TTC28: variants seen among roughly 807,000 people sequenced by gnomAD.
The protein encoded by TTC28 is tetratricopeptide repeat protein 28.
TTC28 carries 61 observed loss-of-function variants against 198.0 expected under a neutral mutation model. That is an observed-to-expected ratio of 0.31 (90% CI 0.25 to 0.38). TTC28 has a LOEUF of 0.38. TTC28 is among the 10% of genes least tolerant of loss of function. The pLI is 1.00. For synonymous variants in TTC28, 1,171 were observed against 1,297.8 expected (o/e 0.90, Z 2.10); for missense variants, 2,678 against 3,164.0 (o/e 0.85, Z 3.69).
At chr22:28,017,042 C>T (rs140342145) in intron 13 of TTC28, among the ~76,000 whole-genome samples, 2,608 of 152,298 alleles carry the variant, frequency 0.017, 40 homozygotes, top group South Asian at 0.071. Context: ...CTGCTGAGCT[C>T]GAATCCCAGC....
At chr22:28,297,484 G>T (rs918066985) in intron 4 of TTC28, 96 bp downstream of exon 4, 25 of 1,389,144 alleles carry the variant, frequency 1.8e-5, no homozygotes, top group African/African-American at 2.9e-5. Flanking sequence ...GAGCAACCAG[G>T]CGATCACTTT....
At chr22:28,100,148 A>G (rs1392839990) in intron 9 of TTC28, among the ~76,000 whole-genome samples, 1 of 152,202 alleles carries the variant, frequency 6.6e-6, no homozygotes, top group African/African-American at 2.4e-5. Context: ...TTTTAAATTT[A>G]TCCAAACTTC....
chr22:28,263,381 A>G (rs1301257607), intron 5 of TTC28, among the ~76,000 whole-genome samples: 2 of 152,132 alleles, frequency 1.3e-5, no homozygotes, highest in Non-Finnish European at 2.9e-5. Flanking sequence ...CACATATTAT[A>G]ATACATTACA....
At chr22:28,072,402 G>C (rs933947827) in intron 12 of TTC28, among the ~76,000 whole-genome samples, 1 of 152,186 alleles carries the variant, frequency 6.6e-6, no homozygotes, top group Non-Finnish European at 1.5e-5. Flanking sequence ...CTGCTAAGTC[G>C]TCATCTGGCC....
chr22:28,166,311 G>A (rs1382439399), intron 5 of TTC28, among the ~76,000 whole-genome samples: 2 of 152,136 alleles, frequency 1.3e-5, no homozygotes, highest in Non-Finnish European at 2.9e-5. Context: ...ACTCAGCTCT[G>A]CACCAAGCGG....
Position 28,591,028 on chromosome 22 carries a change from CACACACACACACATATATATATATAT to C in TTC28, c.381+38498_381+38523del, listed in dbSNP as rs1360513059. On this transcript the variant is annotated intron_variant, in intron 2 of 22. Coordinates refer to ENST00000397906, the MANE Select transcript of TTC28 (RefSeq NM_001145418.2). Reference sequence around the variant, plus strand: ...CCTCAAACACACACACACACACACACACACACACACACATATATATATATATATATATATATATATATATATATATA... The same window carrying C: ...CCTCAAACACACACACACACACACACATATATATATATATATATATATATA... Among the ~76,000 whole-genome samples the C allele has an allele frequency of 1.7e-3, 128 of 77,348 alleles. 1 individual carries two copies. The highest frequency in any genetic ancestry group is 2.6e-3 in the Non-Finnish European group (107 of 41,104). The allele number at this position is 77,348 out of a possible 152,430, so 50.7% of individuals were successfully genotyped here.
chr22:28,571,636 T>C (rs1376766212), intron 2 of TTC28, among the ~76,000 whole-genome samples: 1 of 152,214 alleles, frequency 6.6e-6, no homozygotes, highest in African/African-American at 2.4e-5. Flanking sequence ...TTTCATATTA[T>C]GTAGTAACGG....
intron 5 of TTC28, among the ~76,000 whole-genome samples, chr22:28,278,476 T>C (rs1414690640): frequency 6.6e-6 from 1 of 152,222 alleles, no homozygotes; most frequent in Non-Finnish European, 1.5e-5. Context: ...ACTTTAGATA[T>C]AACAAATTGA....
intron 2 of TTC28, among the ~76,000 whole-genome samples, chr22:28,492,307 A>G (rs929133132): frequency 2.0e-5 from 3 of 152,206 alleles, no homozygotes; most frequent in Admixed American, 6.5e-5. Context: ...GACAAAAAAA[A>G]GAGAAAGAAA....
intron 2 of TTC28, among the ~76,000 whole-genome samples, chr22:28,523,504 GCT>G (rs1458800047): frequency 6.6e-6 from 1 of 152,166 alleles, no homozygotes; most frequent in Non-Finnish European, 1.5e-5. Context: ...GCTCTAGTCT[GCT>G]CTCTCAGGCT....
At chr22:28,339,484 C>G (rs926812607) in intron 2 of TTC28, among the ~76,000 whole-genome samples, 2 of 152,236 alleles carry the variant, frequency 1.3e-5, no homozygotes, top group Admixed American at 6.5e-5. Context: ...GCCCTGCCCC[C>G]AGAGGTGGAG....
At chr22:28,527,821 T>TG (rs1326347711) in intron 2 of TTC28, among the ~76,000 whole-genome samples, 4 of 152,110 alleles carry the variant, frequency 2.6e-5, no homozygotes, top group African/African-American at 9.6e-5. Context: ...TTTGTAGAGA[T>TG]GGGGTCTCAC....
At chr22:28,275,672 A>G (rs1932373411) in intron 5 of TTC28, among the ~76,000 whole-genome samples, 1 of 152,130 alleles carries the variant, frequency 6.6e-6, no homozygotes, top group Non-Finnish European at 1.5e-5. Context: ...AAAGGTATTC[A>G]GCAATAGAGT....
At chr22:28,129,268 T>C (rs1304582536) in intron 6 of TTC28, among the ~76,000 whole-genome samples, 2 of 152,154 alleles carry the variant, frequency 1.3e-5, no homozygotes, top group African/African-American at 4.8e-5. Flanking sequence ...AACCTTGGGG[T>C]AGACACTGGG....
intron 2 of TTC28, among the ~76,000 whole-genome samples, chr22:28,626,568 C>T (rs962086868): frequency 6.6e-6 from 1 of 151,920 alleles, no homozygotes; most frequent in Non-Finnish European, 1.5e-5. Context: ...TCTTCTTTTA[C>T]CTAATGAGTA....
At chr22:28,524,477 AAT>A (rs2048970990) in intron 2 of TTC28, among the ~76,000 whole-genome samples, 2 of 150,906 alleles carry the variant, frequency 1.3e-5, no homozygotes, top group African/African-American at 4.9e-5. Flanking sequence ...AAAAAAAAAA[AAT>A]ATTCAACGGT....
intron 12 of TTC28, among the ~76,000 whole-genome samples, chr22:28,032,620 C>A (rs749186102): frequency 7.2e-5 from 11 of 152,106 alleles, no homozygotes; most frequent in Non-Finnish European, 1.3e-4. Flanking sequence ...CTTATTATCT[C>A]TACCTTATAT....
At chr22:28,291,465 C>T (rs1047424771) in intron 5 of TTC28, among the ~76,000 whole-genome samples, 2 of 151,996 alleles carry the variant, frequency 1.3e-5, no homozygotes, top group African/African-American at 2.4e-5. Flanking sequence ...AACAGTCAAC[C>T]CAAGTAGTGA....
At chr22:28,509,226 C>T (rs1033790121) in intron 2 of TTC28, among the ~76,000 whole-genome samples, 15 of 150,700 alleles carry the variant, frequency 1.0e-4, no homozygotes, top group African/African-American at 3.6e-4. Flanking sequence ...TACCCAGAAA[C>T]AACAGAATAT....
Sources: gnomAD v4.1 joint callset for allele counts (sites outside exome capture counted in the v4.1 genomes callset) on GRCh38, gnomAD v4.1.1 for gene constraint, MANE v1.5 for transcripts, NCBI Gene and HGNC (gene_info 2026-07-23, HGNC 2026-07-21) for gene names.